The following KCNK12 variants were observed in gnomAD, a reference collection of about 807,000 sequenced individuals.
KCNK12 encodes the protein potassium channel subfamily K member 12.
A neutral mutation model predicts 25.3 loss-of-function variants in KCNK12; 6 were observed. That is an observed-to-expected ratio of 0.24 (90% confidence interval 0.13 to 0.47). KCNK12 has a LOEUF of 0.47. Among genes scored for constraint, KCNK12 ranks in the 20% least tolerant of loss-of-function variants. The probability of loss-of-function intolerance (pLI) is 0.99; values close to 1 mark genes in which losing one functional copy is unlikely to be tolerated. For synonymous variants in KCNK12, 331 were observed against 311.1 expected, an observed-to-expected ratio of 1.06 and a Z score of -0.67; for missense variants, 444 against 661.7, an observed-to-expected ratio of 0.67 and a Z score of 3.61.
chr2:47,537,369 C>T lies in KCNK12; in HGVS notation c.392-15561G>A, dbSNP rs141524586. On this transcript the variant is annotated intron_variant, in intron 1 of 1. Coordinates refer to ENST00000327876, the MANE Select transcript of KCNK12 (RefSeq NM_022055.2). ...TTTTTGAGATGGCATCTTGCTCTGT[C>T]GCCCAGGCTGGAGTGCACTGGCGCG... Among the ~76,000 whole-genome samples, 1,380 of 150,524 alleles carry T rather than the reference C, an allele frequency of 9.2e-3. 21 individuals are homozygous for T. The highest frequency in any genetic ancestry group is 0.032 in the African/African-American group (1,295 of 40,890).
At chr2:47,521,834 CG>C (rs769252167) in intron 1 of KCNK12, 26 bp from the exon 2 acceptor site, 35 of 1,229,966 alleles carry the variant, frequency 2.8e-5, no homozygotes, top group Middle Eastern at 2.4e-4. Flanking sequence ...AGGGTCAGCG[CG>C]GTCCTGGCCG....
At chr2:47,559,883 G>T (rs1475174817) in intron 1 of KCNK12, among the ~76,000 whole-genome samples, 2 of 152,204 alleles carry the variant, frequency 1.3e-5, no homozygotes, top group East Asian at 1.9e-4. Flanking sequence ...AGGGAGGAAG[G>T]GAAGGGCATT....
chr2:47,521,075 C>T lies in KCNK12; in HGVS notation c.1125G>A (p.Thr375=), dbSNP rs939686479. The part of the protein sequence containing the change: ...SGELISMRDL[T]ASNKVSLALL... The stretch of plus-strand genomic sequence containing the variant: ...GCGCCAGCGACACCTTGTTGGAGGC[C>T]GTGAGGTCGCGCATGGAGATGAGCT... Residue 375 remains threonine, a synonymous_variant, in exon 2 of 2, where the codon ACG becomes ACA. Coordinates refer to ENST00000327876, the MANE Select transcript of KCNK12 (RefSeq NM_022055.2). The T allele has an allele frequency of 3.0e-6, 4 of 1,350,554 alleles. No homozygotes were observed. The Admixed American group carries it at 1.0e-4, about 34-fold the overall frequency. The allele number at this position is 1,350,554 out of a possible 1,614,324, so 83.7% of individuals were successfully genotyped here.
chr2:47,524,374 T>C (rs957195274), intron 1 of KCNK12, among the ~76,000 whole-genome samples: 1 of 152,188 alleles, frequency 6.6e-6, no homozygotes, highest in Non-Finnish European at 1.5e-5. Context: ...ATACAGCAAT[T>C]AAAAAGCATG....
chr2:47,542,643 T>C (rs905967941), intron 1 of KCNK12, among the ~76,000 whole-genome samples: 1 of 152,162 alleles, frequency 6.6e-6, no homozygotes, highest in Non-Finnish European at 1.5e-5. Flanking sequence ...TCACACTACA[T>C]AGATTTTTGT....
Position 47,533,433 on chromosome 2 carries a change from T to C in KCNK12, c.392-11625A>G, listed in dbSNP as rs984575515. 6.6e-6 allele frequency among the ~76,000 whole-genome samples: 1 copy of C among 152,186 alleles called. No individual in the cohort carries two copies. The highest frequency in any genetic ancestry group is 1.5e-5 in the Non-Finnish European group (1 of 68,028). ...CACCAAGCTTAGCTGGGAAGCACGA[T>C]GGGTGAGGCATGGACCTTATTTCAC... On this transcript the variant is annotated intron_variant, in intron 1 of 1. Coordinates refer to ENST00000327876, the MANE Select transcript of KCNK12 (RefSeq NM_022055.2). The surrounding 1 kb of genome is among the most constrained non-coding windows in gnomAD (Gnocchi z 4.7).
At chr2:47,552,396 C>T (rs887680955) in intron 1 of KCNK12, among the ~76,000 whole-genome samples, 3 of 152,120 alleles carry the variant, frequency 2.0e-5, no homozygotes, top group Admixed American at 2.0e-4. Context: ...TCCCCACTTC[C>T]TTTGTGGCTG....
Position 47,545,344 on chromosome 2 carries a change from C to T in KCNK12, c.392-23536G>A, listed in dbSNP as rs116623123. Among the ~76,000 whole-genome samples, 521 of 152,266 alleles carry T rather than the reference C, an allele frequency of 3.4e-3. 2 individuals carry two copies. The highest frequency in any genetic ancestry group is 0.012 in the African/African-American group (501 of 41,554). Reference sequence around the variant, plus strand: ...ACTAGTTTGGCTGGAGGAAAGGCTGCAGTGAGGGTAGCATTAGCCACACTT... The same window carrying T: ...ACTAGTTTGGCTGGAGGAAAGGCTGTAGTGAGGGTAGCATTAGCCACACTT... On this transcript the variant is annotated intron_variant, in intron 1 of 1. Transcript: ENST00000327876.
At chr2:47,532,943 T>C (rs1393701433) in intron 1 of KCNK12, among the ~76,000 whole-genome samples, 4 of 152,188 alleles carry the variant, frequency 2.6e-5, no homozygotes, top group Non-Finnish European at 4.4e-5. Flanking sequence ...GGAGGTGACA[T>C]GGACACATTC....
chr2:47,526,523 A>G (rs1668781613), intron 1 of KCNK12, among the ~76,000 whole-genome samples: 1 of 152,174 alleles, frequency 6.6e-6, no homozygotes, highest in Admixed American at 6.5e-5. Flanking sequence ...ACTTGAGGCC[A>G]GGAGTTCAAG....
chr2:47,567,605 G>C (rs1378528815), intron 1 of KCNK12, among the ~76,000 whole-genome samples: 1 of 152,196 alleles, frequency 6.6e-6, no homozygotes, highest in Admixed American at 6.5e-5. Flanking sequence ...TCCCAGCAGG[G>C]GCAATAATCA....
In KCNK12 at chr2:47,570,500, G is replaced by C; in HGVS notation, c.-169C>G. 1 of 640,030 alleles carries C rather than the reference G, an allele frequency of 1.6e-6. No individual in the cohort carries two copies. The allele number at this position is 640,030 out of a possible 1,614,324, so 39.6% of individuals were successfully genotyped here. ...CGCCTTCCCAGAGCCCGGACAGAGG[G>C]GCGCCTCCGCCTCCTCCCCGGCGCT... On this transcript the variant is annotated 5_prime_UTR_variant, in exon 1 of 2. Transcript: ENST00000327876.
chr2:47,534,859 C>T (rs1669026856), intron 1 of KCNK12: 1 of 194,988 alleles, frequency 5.1e-6, no homozygotes, highest in Admixed American at 6.1e-5. Flanking sequence ...ACCTCAATTC[C>T]TCTATCACAC....
chr2:47,539,469 T>C (rs1056197165), intron 1 of KCNK12, among the ~76,000 whole-genome samples: 1 of 151,664 alleles, frequency 6.6e-6, no homozygotes, highest in Non-Finnish European at 1.5e-5. Context: ...ATCAAACAGG[T>C]GGGGTGGCCC....
intron 1 of KCNK12, among the ~76,000 whole-genome samples, chr2:47,524,871 G>A (rs1179092049): frequency 6.6e-6 from 1 of 152,074 alleles, no homozygotes; most frequent in Non-Finnish European, 1.5e-5. Context: ...TGCATGTTGG[G>A]GACAGACTCC....
chr2:47,568,985 A>G (rs1019473175), intron 1 of KCNK12, among the ~76,000 whole-genome samples: 2 of 151,588 alleles, frequency 1.3e-5, no homozygotes, highest in African/African-American at 4.9e-5. Context: ...GGGAAAAGTG[A>G]GTGAGAGGAG....
chr2:47,549,784 A>AT (rs1014939063), intron 1 of KCNK12, among the ~76,000 whole-genome samples: 1 of 152,168 alleles, frequency 6.6e-6, no homozygotes, highest in Non-Finnish European at 1.5e-5. Context: ...AAATACAAAA[A>AT]TTAGCCAGGC....
At position 47,520,896 on chromosome 2, in the gene KCNK12, G is replaced by A; in HGVS notation, c.*11C>T. 8.1e-7 allele frequency: 1 copy of A among 1,241,256 alleles called. No homozygotes were observed. The allele number at this position is 1,241,256 out of a possible 1,614,324, so 76.9% of individuals were successfully genotyped here. A position where few individuals can be genotyped will look rare whatever the true frequency, so the allele number is the denominator to read the frequency against. On this transcript the variant is annotated 3_prime_UTR_variant, in exon 2 of 2. Coordinates refer to ENST00000327876, the MANE Select transcript of KCNK12 (RefSeq NM_022055.2). This position sits in a 1 kb window ranked among gnomAD's most constrained non-coding sequence, Gnocchi z 5.0. The stretch of plus-strand genomic sequence containing the variant: ...CCTGGAGAGGGTCCCCGGCGCGGGC[G>A]GACGGGCGGTCTACCTGGAGGCGCT...
In KCNK12 at chr2:47,555,688, G is replaced by C. The variant is rs1669537891; in HGVS notation, c.391+14253C>G. On this transcript the variant is annotated intron_variant, in intron 1 of 1. Transcript: ENST00000327876. This position sits in a 1 kb window ranked among gnomAD's most constrained non-coding sequence, Gnocchi z 4.5. ...CCTATTAATCTGTCTTTTAATTCAG[G>C]GCCCTAGCGGCTGAAAATAAGAAAA... Among the ~76,000 whole-genome samples, 1 of 152,018 alleles carries C rather than the reference G, an allele frequency of 6.6e-6. No individual in the cohort carries two copies. Among genetic ancestry groups the C allele is most frequent in the Non-Finnish European group, 1.5e-5 (1 of 68,030 alleles).
Sources: allele counts gnomAD v4.1 joint callset (sites outside exome capture counted in the v4.1 genomes callset), GRCh38; gene constraint gnomAD v4.1.1; non-coding constraint Gnocchi (gnomAD v3.1); transcripts MANE v1.5; gene names NCBI Gene and HGNC (gene_info 2026-07-23, HGNC 2026-07-21).